The following PRKAR2A variants were observed in gnomAD, a reference collection of about 807,000 sequenced individuals.
The protein encoded by PRKAR2A is cAMP-dependent protein kinase type II-alpha regulatory subunit.
In PRKAR2A, 29 loss-of-function variants were observed where a neutral mutation model predicts 51.9. The ratio of observed to expected loss-of-function variants is 0.56; its 90% confidence interval spans 0.42 to 0.76. The LOEUF is 0.76. PRKAR2A is among the 30% of genes least tolerant of loss of function. The pLI, the probability that PRKAR2A is intolerant of heterozygous loss-of-function variation, is 0.00. For missense variants in PRKAR2A, 445 were observed against 512.1 expected, an observed-to-expected ratio of 0.87 and a Z score of 1.26; for synonymous variants, 178 against 186.2, an observed-to-expected ratio of 0.96 and a Z score of 0.36.
intron 1 of PRKAR2A, among the ~76,000 whole-genome samples, chr3:48,838,704 C>T (rs1390474908): frequency 6.6e-6 from 1 of 151,956 alleles, no homozygotes; most frequent in Non-Finnish European, 1.5e-5. Flanking sequence ...TGGCGCCAGG[C>T]GCGATGGCTC....
intron 5 of PRKAR2A, among the ~76,000 whole-genome samples, chr3:48,778,200 G>C (rs1237236548): frequency 6.6e-6 from 1 of 152,052 alleles, no homozygotes; most frequent in African/African-American, 2.4e-5. Flanking sequence ...TCACTATGTT[G>C]CCCAGGCTAG....
intron 1 of PRKAR2A, among the ~76,000 whole-genome samples, chr3:48,826,880 TAA>T (rs571847072): frequency 7.2e-6 from 1 of 137,962 alleles, no homozygotes; most frequent in African/African-American, 2.7e-5. Context: ...GTTGTAAATT[TAA>T]AAAAAAAAAA....
chr3:48,830,284 G>A lies in PRKAR2A; in HGVS notation c.262+17051C>T, dbSNP rs115572021. On this transcript the variant is annotated intron_variant, in intron 1 of 10. Transcript: ENST00000265563. ...GTCAGGACCGCCTAGACCTAAGCAG[G>A]GTCTGGATCATCAATATCACTGTCT... Among the ~76,000 whole-genome samples, 421 of 151,784 alleles carry A rather than the reference G, an allele frequency of 2.8e-3. 2 individuals are homozygous for A. Among genetic ancestry groups the A allele is most frequent in the African/African-American group, 9.9e-3 (409 of 41,346 alleles).
chr3:48,840,809 C>T (rs2083367480), intron 1 of PRKAR2A, among the ~76,000 whole-genome samples: 2 of 150,394 alleles, frequency 1.3e-5, no homozygotes, highest in Non-Finnish European at 3.0e-5. Context: ...ATCTCCTGAC[C>T]TCGTGATCCG....
intron 5 of PRKAR2A, among the ~76,000 whole-genome samples, chr3:48,780,265 ATTAT>A (rs1467020218): frequency 6.6e-6 from 1 of 152,094 alleles, no homozygotes; most frequent in Non-Finnish European, 1.5e-5. Flanking sequence ...CTGAGAAGAT[ATTAT>A]TTATGTCATC....
chr3:48,752,033 CATTCATCCATCTCTGGT>C, intron 10 of PRKAR2A, 126 bp downstream of exon 10: 1 of 929,832 alleles, frequency 1.1e-6, no homozygotes, highest in Non-Finnish European at 1.6e-6. Flanking sequence ...TGAAAGCATC[CATTCATCCATCTCTGGT>C]TGGTCACATA....
In PRKAR2A at chr3:48,824,407, G is replaced by A. The variant is rs553371879; in HGVS notation, c.263-16723C>T. ...GAGACTCTGTCTCCAAAAAAAAAAG[G>A]GGAGAAGGGTAAAGGTTGAAAAAAC... On this transcript the variant is annotated intron_variant, in intron 1 of 10. Transcript: ENST00000265563. Among the ~76,000 whole-genome samples, 6 of 151,896 alleles carry A rather than the reference G, an allele frequency of 4.0e-5. No individual in the cohort carries two copies. The South Asian group carries it at 6.2e-4, about 16-fold the overall frequency.
chr3:48,751,580 C>T lies in PRKAR2A; in HGVS notation c.*5G>A. 1 of 1,610,170 alleles carries T rather than the reference C, an allele frequency of 6.2e-7. No homozygotes were observed. Among genetic ancestry groups the T allele is most frequent in the South Asian group, 1.1e-5 (1 of 90,924 alleles). On this transcript the variant is annotated 3_prime_UTR_variant, in exon 11 of 11. Coordinates refer to ENST00000265563, the MANE Select transcript of PRKAR2A (RefSeq NM_004157.4). ...ACACTAAGAAGGCTCTGGGGTGTGG[C>T]ACACCTACTGCCCGAGGTTGCCCAG...
intron 1 of PRKAR2A, among the ~76,000 whole-genome samples, chr3:48,821,195 T>C (rs1397756069): frequency 1.3e-5 from 2 of 152,124 alleles, no homozygotes; most frequent in African/African-American, 4.8e-5. Flanking sequence ...GTGGGGATTG[T>C]GGGTCAAGTC....
chr3:48,820,182 G>A (rs2082939578), intron 1 of PRKAR2A, among the ~76,000 whole-genome samples: 1 of 152,196 alleles, frequency 6.6e-6, no homozygotes, highest in African/African-American at 2.4e-5. Flanking sequence ...ATCAGGAACT[G>A]CTTTAGGCAC....
rs746644588 is a variant in PRKAR2A at position 48,794,029 on chromosome 3, G to C, written c.319C>G (p.Pro107Ala). The C allele has an allele frequency of 6.2e-7, 1 of 1,605,416 alleles. No individual in the cohort carries two copies. The highest frequency in any genetic ancestry group is 1.1e-5 in the South Asian group (1 of 90,796). Reference sequence around the variant, plus strand: ...TCTGTATCTTCCTCTTCCTCATCAGGGTTATAGGTCTCAGCACAGACTAAA... The same window carrying C: ...TCTGTATCTTCCTCTTCCTCATCAGCGTTATAGGTCTCAGCACAGACTAAA... The part of the protein sequence containing the change: ...RVSVCAETYN[P>A]DEEEEDTDPR... The change falls in exon 3 of 11, where the codon CCT becomes GCT. Residue 107 changes from proline (P) to alanine (A), a missense_variant. Physicochemically the swap from Pro to Ala is conservative, Grantham distance 27. Transcript: ENST00000265563.
chr3:48,807,371 G>A (rs907340866), intron 2 of PRKAR2A, among the ~76,000 whole-genome samples: 2 of 152,040 alleles, frequency 1.3e-5, no homozygotes, highest in African/African-American at 4.8e-5. Flanking sequence ...CCAGAAAAAG[G>A]AATATGAAAA....
rs1349997635 is a variant in PRKAR2A, at chr3:48,750,000, TC to T, written c.*1584del. On this transcript the variant is annotated 3_prime_UTR_variant, in exon 11 of 11. Transcript: ENST00000265563. ...GCCTTGACCTCCTGGGCTCAAGTGA[TC>T]CTTCCACCTCAGCCTCCTAAGTATT... The T allele has an allele frequency of 6.6e-6, 1 of 151,720 alleles. No homozygotes were observed. Among genetic ancestry groups the T allele is most frequent in the Admixed American group, 6.6e-5 (1 of 15,208 alleles). 9.4% of individuals were successfully genotyped at this position (151,720 alleles called of 1,614,324 possible).
At chr3:48,808,276 C>T (rs1318798324) in intron 1 of PRKAR2A, among the ~76,000 whole-genome samples, 1 of 151,500 alleles carries the variant, frequency 6.6e-6, no homozygotes, top group African/African-American at 2.4e-5. Context: ...TGTTTTGAGA[C>T]GGAGTCTCGC....
intron 3 of PRKAR2A, 28 bp from the exon 4 acceptor site, chr3:48,790,655 C>CT (rs2082368445): frequency 1.1e-5 from 15 of 1,326,850 alleles, no homozygotes; most frequent in Non-Finnish European, 1.4e-5. Context: ...ACCATGGAAA[C>CT]TGTTTTATTC....
chr3:48,828,701 C>T (rs2083112050), intron 1 of PRKAR2A, among the ~76,000 whole-genome samples: 1 of 98,706 alleles, frequency 1.0e-5, no homozygotes, highest in East Asian at 3.1e-4. Flanking sequence ...GAGCGAGCCC[C>T]TGTCTCCAAA....
intron 6 of PRKAR2A, among the ~76,000 whole-genome samples, chr3:48,767,570 G>A (rs953925031): frequency 6.6e-6 from 1 of 152,006 alleles, no homozygotes; most frequent in South Asian, 2.1e-4. Context: ...CAGGAGGATC[G>A]CTTGAGGCTA....
At chr3:48,810,224 A>ATG (rs67806867) in intron 1 of PRKAR2A, among the ~76,000 whole-genome samples, 63 of 150,814 alleles carry the variant, frequency 4.2e-4, no homozygotes, top group Non-Finnish European at 7.4e-4. Flanking sequence ...AGAGAAATAA[A>ATG]TGTGTGTGTG....
intron 9 of PRKAR2A, among the ~76,000 whole-genome samples, chr3:48,754,066 A>AT (rs774463649): frequency 6.8e-6 from 1 of 146,478 alleles, no homozygotes; most frequent in Non-Finnish European, 1.5e-5. Flanking sequence ...CCTGGCTAAT[A>AT]TTTTTTGTGT....
Sources: allele counts gnomAD v4.1 joint callset (sites outside exome capture counted in the v4.1 genomes callset), GRCh38; gene constraint gnomAD v4.1.1; transcripts MANE v1.5; gene names NCBI Gene and HGNC (gene_info 2026-07-23, HGNC 2026-07-21).